Variants in SMOC1 observed in about 807,000 individuals in gnomAD.
The protein encoded by SMOC1 is SPARC-related modular calcium-binding protein 1.
A neutral mutation model predicts 56.3 loss-of-function variants in SMOC1; 22 were observed. The ratio of observed to expected loss-of-function variants is 0.39; its 90% CI spans 0.28 to 0.56. SMOC1 has a LOEUF of 0.56. SMOC1 is among the 20% of genes least tolerant of loss of function. The pLI is 0.61. For missense variants in SMOC1, 509 were observed against 565.4 expected, an observed-to-expected ratio of 0.90 and a Z score of 1.01; for synonymous variants, 193 against 215.0, an observed-to-expected ratio of 0.90 and a Z score of 0.89.
intron 3 of SMOC1, among the ~76,000 whole-genome samples, chr14:69,972,429 C>T (rs534019138): frequency 1.1e-4 from 17 of 151,992 alleles, no homozygotes; most frequent in African/African-American, 4.1e-4. Context: ...CCCACACCTG[C>T]GGCACACCTG....
At chr14:70,017,615 G>GA (rs933395563) in intron 10 of SMOC1, among the ~76,000 whole-genome samples, 3 of 152,126 alleles carry the variant, frequency 2.0e-5, no homozygotes, top group Non-Finnish European at 2.9e-5. Flanking sequence ...GGACAGTGCA[G>GA]AAAAAAGGTG....
intron 7 of SMOC1, among the ~76,000 whole-genome samples, chr14:70,003,525 G>A (rs1885045175): frequency 6.6e-6 from 1 of 152,170 alleles, no homozygotes; most frequent in African/African-American, 2.4e-5. Context: ...TCTGTGAGAG[G>A]GGTGACATAA....
chr14:69,964,190 TCC>T (rs1193577300), intron 3 of SMOC1, among the ~76,000 whole-genome samples: 1 of 151,946 alleles, frequency 6.6e-6, no homozygotes, highest in Non-Finnish European at 1.5e-5. Flanking sequence ...AGTGATTCTG[TCC>T]CTACAATTTG....
chr14:70,007,817 C>G (rs2139580564), intron 7 of SMOC1, among the ~76,000 whole-genome samples: 1 of 152,308 alleles, frequency 6.6e-6, no homozygotes, highest in African/African-American at 2.4e-5. Context: ...TATTGCCTGG[C>G]ACATATCACT....
intron 1 of SMOC1, among the ~76,000 whole-genome samples, chr14:69,902,623 G>A (rs991531708): frequency 1.3e-5 from 2 of 151,934 alleles, no homozygotes; most frequent in Admixed American, 6.6e-5. Flanking sequence ...CTCTCCCCAC[G>A]GTCTCCCTCT....
At chr14:69,879,824 T>C in intron 1 of SMOC1, 47 bp downstream of exon 1, 1 of 1,476,986 alleles carries the variant, frequency 6.8e-7, no homozygotes, top group Non-Finnish European at 9.1e-7. Context: ...GGAGGGGAGG[T>C]TGCTTCCCCC....
chr14:69,940,517 A>T (rs1882510297), intron 1 of SMOC1, among the ~76,000 whole-genome samples: 1 of 152,212 alleles, frequency 6.6e-6, no homozygotes, highest in Non-Finnish European at 1.5e-5. Flanking sequence ...TGCCAGGTGG[A>T]GCGATGGTGC....
intron 1 of SMOC1, among the ~76,000 whole-genome samples, chr14:69,930,737 C>G (rs568415210): frequency 6.6e-6 from 1 of 152,152 alleles, no homozygotes; most frequent in East Asian, 1.9e-4. Context: ...CTTCTGAAGC[C>G]GGCTTCCCAG....
At chr14:69,917,329 C>T (rs1018449319) in intron 1 of SMOC1, among the ~76,000 whole-genome samples, 7 of 152,226 alleles carry the variant, frequency 4.6e-5, no homozygotes, top group African/African-American at 1.4e-4. Context: ...ACAATGCTCA[C>T]GGAGCCTGTG....
chr14:69,984,947 CA>C (rs1566699523), intron 5 of SMOC1, among the ~76,000 whole-genome samples: 1 of 151,592 alleles, frequency 6.6e-6, no homozygotes, highest in Non-Finnish European at 1.5e-5. Context: ...AAGGCTGAGG[CA>C]GAAGAATTAC....
At chr14:69,885,925 C>A in intron 1 of SMOC1, 6 of 1,598,050 alleles carry the variant, frequency 3.8e-6, no homozygotes, top group Non-Finnish European at 5.1e-6. Flanking sequence ...CTTTCAGCCG[C>A]TTATAGAGGA....
At chr14:69,923,903 G>C (rs1284757674) in intron 1 of SMOC1, among the ~76,000 whole-genome samples, 1 of 152,208 alleles carries the variant, frequency 6.6e-6, no homozygotes, top group Non-Finnish European at 1.5e-5. Flanking sequence ...CACTGGTGGG[G>C]TGGGCAGTTG....
In SMOC1 at chr14:69,977,776, TG is replaced by T; in HGVS notation, c.479-141del. 3 of 735,832 alleles carry T rather than the reference TG, an allele frequency of 4.1e-6. No homozygotes were observed. In the Admixed American group the frequency reaches 5.9e-5, roughly 14 times the overall value. 45.6% of individuals were successfully genotyped at this position (735,832 alleles called of 1,614,324 possible). A position where few individuals can be genotyped will look rare whatever the true frequency, so the allele number is the denominator to read the frequency against. On this transcript the variant is annotated intron_variant, in intron 4 of 11. Transcript: ENST00000361956. ...TCAACATGTGTATATGTACTAACAT[TG>T]TATATAATATCCTTAGATGTGTATA...
At chr14:69,978,836 G>A (rs1007721247) in intron 5 of SMOC1, among the ~76,000 whole-genome samples, 3 of 152,086 alleles carry the variant, frequency 2.0e-5, no homozygotes, top group African/African-American at 7.2e-5. Context: ...CTGTCTGAGG[G>A]CTGTTTATTG....
At chr14:69,931,928 A>T (rs1483815935) in intron 1 of SMOC1, among the ~76,000 whole-genome samples, 1 of 152,192 alleles carries the variant, frequency 6.6e-6, no homozygotes, top group Non-Finnish European at 1.5e-5. Flanking sequence ...GCTTGAGTCA[A>T]GCTATACCTC....
chr14:69,887,703 T>C lies in SMOC1; in HGVS notation c.99+7926T>C, dbSNP rs1398201714. Among the ~76,000 whole-genome samples the C allele has an allele frequency of 3.3e-5, 5 of 152,326 alleles. No individual in the cohort carries two copies. The East Asian group carries it at 9.6e-4, about 29-fold the overall frequency. ...CTAGACCCAGAGCAGACCCAGGCCC[T>C]GGCATAAACGTCTGCATCAGGTGGC... On this transcript the variant is annotated intron_variant, in intron 1 of 11. Coordinates refer to ENST00000361956, the MANE Select transcript of SMOC1 (RefSeq NM_001034852.3).
At chr14:69,902,424 G>A (rs1884265970) in intron 1 of SMOC1, among the ~76,000 whole-genome samples, 1 of 152,072 alleles carries the variant, frequency 6.6e-6, no homozygotes, top group African/African-American at 2.4e-5. Context: ...TAAGAGATGG[G>A]GTCTATTTCC....
chr14:70,016,815 A>G (rs945641182), intron 10 of SMOC1, among the ~76,000 whole-genome samples: 1 of 152,084 alleles, frequency 6.6e-6, no homozygotes, highest in African/African-American at 2.4e-5. Context: ...CCATCTTCCA[A>G]TGACTGGCCC....
At chr14:70,023,941 G>A (rs982828257) in intron 11 of SMOC1, among the ~76,000 whole-genome samples, 2 of 152,008 alleles carry the variant, frequency 1.3e-5, no homozygotes, top group Middle Eastern at 3.4e-3. Flanking sequence ...TCATCATGTG[G>A]CTTCCAAGGT....
Sources: allele counts gnomAD v4.1 joint callset (sites outside exome capture counted in the v4.1 genomes callset), GRCh38; gene constraint gnomAD v4.1.1; transcripts MANE v1.5; gene names NCBI Gene and HGNC (gene_info 2026-07-23, HGNC 2026-07-21).